EEA1: variants seen among roughly 807,000 people sequenced by gnomAD.
EEA1 encodes early endosome antigen 1, 162kD.
EEA1 carries 111 observed loss-of-function variants against 209.2 expected under a neutral mutation model. That is an observed-to-expected ratio of 0.53 (90% CI 0.45 to 0.62). The LOEUF (loss-of-function observed/expected upper bound fraction) is 0.62, where lower values mean the gene tolerates loss of function less well. Among genes scored for constraint, EEA1 ranks in the 20% least tolerant of loss-of-function variants. EEA1 has a pLI of 0.00. For missense variants in EEA1, 1,343 were observed against 1,530.8 expected, an observed-to-expected ratio of 0.88 and a Z score of 2.05; for synonymous variants, 536 against 540.6, an observed-to-expected ratio of 0.99 and a Z score of 0.12.
chr12:92,893,590 C>A (rs565651609), intron 1 of EEA1, among the ~76,000 whole-genome samples: 1 of 151,838 alleles, frequency 6.6e-6, no homozygotes, highest in Non-Finnish European at 1.5e-5. Context: ...ATTATAAAAA[C>A]TATATACAAT....
intron 15 of EEA1, among the ~76,000 whole-genome samples, chr12:92,815,907 G>A (rs187802721): frequency 5.3e-5 from 8 of 151,700 alleles, no homozygotes; most frequent in South Asian, 2.1e-4. Flanking sequence ...CAGAGAGAGC[G>A]CACCTGAGAG....
At chr12:92,865,803 T>G (rs1485479931) in intron 2 of EEA1, among the ~76,000 whole-genome samples, 1 of 151,818 alleles carries the variant, frequency 6.6e-6, no homozygotes, top group Non-Finnish European at 1.5e-5. Context: ...TGAAGTGCAA[T>G]GGTGCAATCT....
At chr12:92,889,852 T>A (rs895442489) in intron 2 of EEA1, among the ~76,000 whole-genome samples, 3 of 152,204 alleles carry the variant, frequency 2.0e-5, no homozygotes, top group South Asian at 2.1e-4. Context: ...AGGCAGAGGT[T>A]ACAGTGAGCC....
chr12:92,787,628 AAC>A (rs1459028361), intron 22 of EEA1, among the ~76,000 whole-genome samples: 1 of 152,170 alleles, frequency 6.6e-6, no homozygotes, highest in Non-Finnish European at 1.5e-5. Flanking sequence ...TACATAAGTT[AAC>A]AGTGTCACAA....
chr12:92,875,283 A>T (rs993039052), intron 2 of EEA1, among the ~76,000 whole-genome samples: 2 of 152,102 alleles, frequency 1.3e-5, no homozygotes, highest in Non-Finnish European at 2.9e-5. Context: ...TAAAAATACA[A>T]AAATTAGCTG....
intron 2 of EEA1, among the ~76,000 whole-genome samples, chr12:92,872,588 AATATCT>A (rs776513295): frequency 6.5e-4 from 99 of 152,312 alleles, no homozygotes; most frequent in Non-Finnish European, 1.1e-3. Flanking sequence ...TATACCTAAC[AATATCT>A]ATATTTTAAA....
chr12:92,908,820 G>A (rs372037110), intron 1 of EEA1, among the ~76,000 whole-genome samples: 1 of 152,170 alleles, frequency 6.6e-6, no homozygotes, highest in Non-Finnish European at 1.5e-5. Flanking sequence ...TATCATTTGG[G>A]TTTTTGTTTC....
rs140959735 is a variant in EEA1 at position 92,904,926 on chromosome 12, T to C, written c.25-13205A>G. Among the ~76,000 whole-genome samples, 899 of 152,330 alleles carry C rather than the reference T, an allele frequency of 5.9e-3. 8 individuals are homozygous for C. The highest frequency in any genetic ancestry group is 0.021 in the African/African-American group (857 of 41,572). ...CAGAGGTTCCATTATGTAAGCATGA[T>C]TGACTAAGTCATTGGCCATTGGTGA... On this transcript the variant is annotated intron_variant, in intron 1 of 28. Transcript: ENST00000322349.
intron 3 of EEA1, among the ~76,000 whole-genome samples, chr12:92,860,484 C>T (rs1050309100): frequency 6.6e-6 from 1 of 152,162 alleles, no homozygotes; most frequent in Non-Finnish European, 1.5e-5. Flanking sequence ...TTATTGTATT[C>T]TGGGGTATGG....
chr12:92,851,902 T>A (rs1432092451), intron 8 of EEA1, among the ~76,000 whole-genome samples: 1 of 152,050 alleles, frequency 6.6e-6, no homozygotes, highest in Non-Finnish European at 1.5e-5. Flanking sequence ...AAGACCAGGA[T>A]CAGAGATGCA....
Position 92,774,888 on chromosome 12 carries a change from TAGAA to T in EEA1, c.*1119_*1122del, listed in dbSNP as rs1328538564. On this transcript the variant is annotated 3_prime_UTR_variant, in exon 29 of 29. Transcript: ENST00000322349. Reference sequence around the variant, plus strand: ...AAATTCTTCCCAATAGGGTAAGAAATAGAAAGTAAAATATTTAATGTCTTCTTAT... The same window carrying T: ...AAATTCTTCCCAATAGGGTAAGAAATAGTAAAATATTTAATGTCTTCTTAT... 10 of 151,712 alleles carry T rather than the reference TAGAA, an allele frequency of 6.6e-5. No individual in the cohort carries two copies. Among genetic ancestry groups the T allele is most frequent in the Admixed American group, 2.6e-4 (4 of 15,208 alleles). The allele number at this position is 151,712 out of a possible 1,614,324, so 9.4% of individuals were successfully genotyped here.
chr12:92,782,032 G>T lies in EEA1; in HGVS notation c.3254C>A (p.Ala1085Asp), dbSNP rs1216067885. The T allele has an allele frequency of 1.2e-6, 2 of 1,612,960 alleles. No homozygotes were observed. Among genetic ancestry groups the T allele is most frequent in the East Asian group, 2.2e-5 (1 of 44,840 alleles). ...KLIQELKTAK[A>D]TLEQDSAKKE... ...CTTTGCTGAATCCTGCTCCAATGTA[G>T]CCTTGGCAGTCTTCAGTTCTTGAAT... The change falls in exon 23 of 29, where the codon GCT becomes GAT. Residue 1085 changes from alanine (A) to aspartate (D), a missense_variant. By Grantham distance (126) the Ala-to-Asp change is moderately radical (BLOSUM62 -2). Around this residue, in one of 3 missense-constraint regions of EEA1, gnomAD observed 1,307 missense variants for 1,465.5 expected, o/e 0.89. Transcript: ENST00000322349.
At chr12:92,893,887 T>G (rs1225518838) in intron 1 of EEA1, among the ~76,000 whole-genome samples, 1 of 152,166 alleles carries the variant, frequency 6.6e-6, no homozygotes, top group Non-Finnish European at 1.5e-5. Context: ...CTTTGCACAT[T>G]TATTTACAGG....
chr12:92,885,555 T>C (rs1371762574), intron 2 of EEA1, among the ~76,000 whole-genome samples: 7 of 152,192 alleles, frequency 4.6e-5, no homozygotes, highest in South Asian at 2.1e-4. Context: ...GCAGTCAGAA[T>C]GTATGCTATT....
intron 1 of EEA1, among the ~76,000 whole-genome samples, chr12:92,902,335 TAAG>T (rs1451643103): frequency 6.6e-6 from 1 of 152,092 alleles, no homozygotes; most frequent in Non-Finnish European, 1.5e-5. Context: ...AGTTCAGTAA[TAAG>T]AACCAAAAAC....
At chr12:92,798,741 T>TA in intron 21 of EEA1, 151 bp downstream of exon 21, 3 of 480,918 alleles carry the variant, frequency 6.2e-6, no homozygotes, top group Non-Finnish European at 1.1e-5. Flanking sequence ...TTTGATAATA[T>TA]AGTCAAATGC....
rs938650305 is a variant in EEA1, at chr12:92,799,162, A to C, written c.2773-76T>G. Reference sequence around the variant, plus strand: ...GATGTACTGAGTAACTAGAAAAAAAAATCTATTTAGCCTTCATTTGTTCAT... The same window carrying C: ...GATGTACTGAGTAACTAGAAAAAAACATCTATTTAGCCTTCATTTGTTCAT... On this transcript the variant is annotated intron_variant, in intron 20 of 28. Coordinates refer to ENST00000322349, the MANE Select transcript of EEA1 (RefSeq NM_003566.4). 1.5e-4 allele frequency: 186 copies of C among 1,272,228 alleles called. 1 individual carries two copies. Among genetic ancestry groups the C allele is most frequent in the Admixed American group, 5.9e-4 (18 of 30,498 alleles). 78.8% of individuals were successfully genotyped at this position (1,272,228 alleles called of 1,614,324 possible).
chr12:92,807,004 A>G (rs1344700157), intron 18 of EEA1, among the ~76,000 whole-genome samples: 1 of 151,454 alleles, frequency 6.6e-6, no homozygotes, highest in African/African-American at 2.4e-5. Flanking sequence ...GTGGCACTGG[A>G]GTGCAGTGGC....
At chr12:92,823,109 C>A (rs964863554) in intron 13 of EEA1, among the ~76,000 whole-genome samples, 3 of 152,198 alleles carry the variant, frequency 2.0e-5, no homozygotes, top group Non-Finnish European at 4.4e-5. Flanking sequence ...ATCTGAACTG[C>A]TGCATATATT....
Sources: gnomAD v4.1 joint callset for allele counts (sites outside exome capture counted in the v4.1 genomes callset) on GRCh38, gnomAD v4.1.1 for gene constraint, gnomAD v4.1.1 regional missense constraint, MANE v1.5 for transcripts, NCBI Gene and HGNC (gene_info 2026-07-23, HGNC 2026-07-21) for gene names.